Variants in ATXN10 observed in about 807,000 individuals in gnomAD.
ATXN10 encodes ataxin-10.
A neutral mutation model predicts 52.9 loss-of-function variants in ATXN10; 28 were observed. The observed-to-expected ratio is 0.53, with a 90% CI of 0.39 to 0.73. The LOEUF is 0.73. Ranked by LOEUF, ATXN10 falls within the 30% of genes least tolerant of loss-of-function variation. The pLI is 0.00. For missense variants in ATXN10, 565 were observed against 577.0 expected, an observed-to-expected ratio of 0.98 and a Z score of 0.21; for synonymous variants, 226 against 221.5, an observed-to-expected ratio of 1.02 and a Z score of -0.18.
intron 8 of ATXN10, 52 bp downstream of exon 8, chr22:45,738,891 C>G: frequency 7.0e-7 from 1 of 1,420,376 alleles, no homozygotes; most frequent in East Asian, 2.3e-5. Context: ...TTTGGCTTGT[C>G]ATACTGTAAT....
In ATXN10 at chr22:45,823,038, T is replaced by G; in HGVS notation, c.1237+16016T>G. The G allele has an allele frequency of 2.9e-6, 1 of 344,354 alleles. No individual in the cohort carries two copies. The highest frequency in any genetic ancestry group is 6.0e-6 in the Non-Finnish European group (1 of 165,558). The allele number at this position is 344,354 out of a possible 1,614,324, so 21.3% of individuals were successfully genotyped here. A position where few individuals can be genotyped will look rare whatever the true frequency, so the allele number is the denominator to read the frequency against. On this transcript the variant is annotated intron_variant, in intron 10 of 11. Transcript: ENST00000252934. The surrounding 1 kb of genome is among the most constrained non-coding windows in gnomAD (Gnocchi z 4.9). ...ATCTTTGTTCTTACTTTCCTCATGG[T>G]GTCTTATTATTTCATTGAGGTATAA... is the stretch of plus-strand genomic sequence containing the variant.
rs117460812 is a variant in ATXN10 at position 45,821,642 on chromosome 22, A to G, written c.1237+14620A>G. Among the ~76,000 whole-genome samples, 490 of 152,214 alleles carry G rather than the reference A, an allele frequency of 3.2e-3. 2 individuals are homozygous for G. Among genetic ancestry groups the G allele is most frequent in the Non-Finnish European group, 5.8e-3 (392 of 68,016 alleles). On this transcript the variant is annotated intron_variant, in intron 10 of 11. Coordinates refer to ENST00000252934, the MANE Select transcript of ATXN10 (RefSeq NM_013236.4). ...TTAGTACCTCATGGTGTCTTATTTC[A>G]TTGAGGTATAACTTACATATAGTAA...
At chr22:45,714,667 C>A (rs926040041) in intron 5 of ATXN10, among the ~76,000 whole-genome samples, 3 of 152,190 alleles carry the variant, frequency 2.0e-5, no homozygotes, top group African/African-American at 7.2e-5. Flanking sequence ...CAGGTGTGAG[C>A]CACTGTGTCC....
chr22:45,815,694 T>G (rs2146894027), intron 10 of ATXN10, among the ~76,000 whole-genome samples: 2 of 151,618 alleles, frequency 1.3e-5, no homozygotes, highest in Admixed American at 1.3e-4. Context: ...AAACTAAAGC[T>G]CTTGAGAGTT....
chr22:45,772,447 C>T lies in ATXN10; in HGVS notation c.1173+31909C>T, dbSNP rs970746802. Reference sequence around the variant, plus strand: ...TCGTCGATATTTGTGCCTGTCTCTTCACCATTACAACATTGTCTTTATTAC... The same window carrying T: ...TCGTCGATATTTGTGCCTGTCTCTTTACCATTACAACATTGTCTTTATTAC... On this transcript the variant is annotated intron_variant, in intron 9 of 11. Transcript: ENST00000252934. The surrounding 1 kb of genome is among the most constrained non-coding windows in gnomAD (Gnocchi z 4.1). Among the ~76,000 whole-genome samples, 10 of 152,234 alleles carry T rather than the reference C, an allele frequency of 6.6e-5. No individual in the cohort carries two copies. Among genetic ancestry groups the T allele is most frequent in the Admixed American group, 3.3e-4 (5 of 15,286 alleles).
At chr22:45,707,188 T>C (rs1601598898) in intron 5 of ATXN10, among the ~76,000 whole-genome samples, 1 of 152,192 alleles carries the variant, frequency 6.6e-6, no homozygotes, top group Admixed American at 6.5e-5. Context: ...CACATAGTAG[T>C]CAGTGTGTGA....
At position 45,816,775 on chromosome 22, in the gene ATXN10, T is replaced by G. The variant is rs1189953843; in HGVS notation, c.1237+9753T>G. Among the ~76,000 whole-genome samples the G allele has an allele frequency of 3.3e-5, 5 of 152,186 alleles. No homozygotes were observed. Among genetic ancestry groups the G allele is most frequent in the Non-Finnish European group, 7.4e-5 (5 of 68,018 alleles). On this transcript the variant is annotated intron_variant, in intron 10 of 11. Coordinates refer to ENST00000252934, the MANE Select transcript of ATXN10 (RefSeq NM_013236.4). The surrounding 1 kb of genome is among the most constrained non-coding windows in gnomAD (Gnocchi z 5.8). ...CTTGCAGAACCTCGTGGAGTCTTTATTAGTCACATGTGCATTTTGGAGCTT... is the reference window on the plus strand; with the variant it reads ...CTTGCAGAACCTCGTGGAGTCTTTAGTAGTCACATGTGCATTTTGGAGCTT...
chr22:45,700,346 T>C lies in ATXN10; in HGVS notation c.456T>C (p.Ile152=). The part of the protein sequence containing the change: ...IASRNEDSQS[I]VWVHAFPELF... ...CACGGAATGAAGATTCCCAGTCTAT[T>C]GTTTGGGTGCATGCTTTCCCAGAAC... Residue 152 remains isoleucine (I), a synonymous_variant, in exon 4 of 12, where the codon ATT becomes ATC. Coordinates refer to ENST00000252934, the MANE Select transcript of ATXN10 (RefSeq NM_013236.4). 6.2e-7 allele frequency: 1 copy of C among 1,614,176 alleles called. No individual in the cohort carries two copies.
chr22:45,819,188 T>C lies in ATXN10; in HGVS notation c.1237+12166T>C, dbSNP rs931379134. ...TTTCTCTGTAGTATGAAGAATAGAA[T>C]AGAAAATAGAATAGAATAGAATAGA... On this transcript the variant is annotated intron_variant, in intron 10 of 11. Transcript: ENST00000252934. This position sits in a 1 kb window ranked among gnomAD's most constrained non-coding sequence, Gnocchi z 4.5. Among the ~76,000 whole-genome samples the C allele has an allele frequency of 6.9e-5, 10 of 145,630 alleles. No homozygotes were observed. The highest frequency in any genetic ancestry group is 1.5e-4 in the Non-Finnish European group (10 of 66,472).
At chr22:45,768,798 G>C (rs1358716331) in intron 9 of ATXN10, among the ~76,000 whole-genome samples, 3 of 152,322 alleles carry the variant, frequency 2.0e-5, no homozygotes, top group South Asian at 4.1e-4. Context: ...GAACAAACCA[G>C]TTGTAAAGGA....
At chr22:45,817,120 G>A (rs1190414021) in intron 10 of ATXN10, among the ~76,000 whole-genome samples, 8 of 152,186 alleles carry the variant, frequency 5.3e-5, no homozygotes, top group African/African-American at 9.7e-5. Flanking sequence ...GTTTGATGCA[G>A]TGAATGACTA....
chr22:45,790,702 A>G lies in ATXN10; in HGVS notation c.1174-16257A>G, dbSNP rs1219978607. 2.0e-5 allele frequency among the ~76,000 whole-genome samples: 3 copies of G among 152,230 alleles called. No homozygotes were observed. Among genetic ancestry groups the G allele is most frequent in the African/African-American group, 7.2e-5 (3 of 41,454 alleles). ...TCTCTCATGGGTTTTGTAGGACCCA[A>G]TCACAGTTTCTGTTCAAATAGCCAC... is the stretch of plus-strand genomic sequence containing the variant. On this transcript the variant is annotated intron_variant, in intron 9 of 11. Coordinates refer to ENST00000252934, the MANE Select transcript of ATXN10 (RefSeq NM_013236.4). The surrounding 1 kb of genome is among the most constrained non-coding windows in gnomAD (Gnocchi z 4.7).
intron 6 of ATXN10, among the ~76,000 whole-genome samples, chr22:45,725,917 A>AT (rs958807418): frequency 1.3e-5 from 2 of 151,390 alleles, no homozygotes; most frequent in African/African-American, 2.4e-5. Context: ...GGATGATCAT[A>AT]TTTTTTTTGT....
rs898767284 is a variant in ATXN10, at chr22:45,818,444, G to A, written c.1237+11422G>A. Among the ~76,000 whole-genome samples the A allele has an allele frequency of 6.6e-5, 10 of 152,066 alleles. No homozygotes were observed. Among genetic ancestry groups the A allele is most frequent in the African/African-American group, 2.4e-4 (10 of 41,396 alleles). ...AAGCGCATCTGGTTCTGCTTGTCTG[G>A]TTTACCTGTGTTAAAAGCAAGACTC... On this transcript the variant is annotated intron_variant, in intron 10 of 11. Transcript: ENST00000252934. This position sits in a 1 kb window ranked among gnomAD's most constrained non-coding sequence, Gnocchi z 4.6.
rs947650393 is a variant in ATXN10, at chr22:45,769,383, G to C, written c.1173+28845G>C. On this transcript the variant is annotated intron_variant, in intron 9 of 11. Coordinates refer to ENST00000252934, the MANE Select transcript of ATXN10 (RefSeq NM_013236.4). The surrounding 1 kb of genome is among the most constrained non-coding windows in gnomAD (Gnocchi z 4.2). ...TTGGTACAGGGCACTGTGCTAGGTA[G>C]ATGGGAGAATCAAGCATGAAATGGG... 6.6e-6 allele frequency among the ~76,000 whole-genome samples: 1 copy of C among 152,092 alleles called. No individual in the cohort carries two copies. Among genetic ancestry groups the C allele is most frequent in the Non-Finnish European group, 1.5e-5 (1 of 68,026 alleles).
At chr22:45,730,643 G>A (rs750163822) in intron 7 of ATXN10, among the ~76,000 whole-genome samples, 1 of 152,146 alleles carries the variant, frequency 6.6e-6, no homozygotes, top group Non-Finnish European at 1.5e-5. Flanking sequence ...CGGCATATTG[G>A]CCAGGCTGGT....
intron 10 of ATXN10, among the ~76,000 whole-genome samples, chr22:45,814,222 T>C (rs1928383227): frequency 6.6e-6 from 1 of 152,254 alleles, no homozygotes; most frequent in Non-Finnish European, 1.5e-5. Context: ...TTTGAAACGA[T>C]GTTTGCGTTA....
intron 10 of ATXN10, among the ~76,000 whole-genome samples, chr22:45,808,035 A>G (rs568790846): frequency 8.5e-5 from 13 of 152,226 alleles, no homozygotes; most frequent in Admixed American, 7.8e-4. Flanking sequence ...CTGATTAGCA[A>G]TAGAAAACAA....
chr22:45,818,596 G>A lies in ATXN10; in HGVS notation c.1237+11574G>A, dbSNP rs1024847286. ...TGACCACCCTCGCTTTCAGCGGACC[G>A]GGGCAGGGATCAGGGATCAACAGCC... is the stretch of plus-strand genomic sequence containing the variant. On this transcript the variant is annotated intron_variant, in intron 10 of 11. Transcript: ENST00000252934. The surrounding 1 kb of genome is among the most constrained non-coding windows in gnomAD (Gnocchi z 4.6). Among the ~76,000 whole-genome samples the A allele has an allele frequency of 3.3e-5, 5 of 152,052 alleles. No individual in the cohort carries two copies. The highest frequency in any genetic ancestry group is 9.7e-5 in the African/African-American group (4 of 41,364).
Sources: gnomAD v4.1 joint callset for allele counts (sites outside exome capture counted in the v4.1 genomes callset) on GRCh38, gnomAD v4.1.1 for gene constraint, Gnocchi (gnomAD v3.1) non-coding constraint, MANE v1.5 for transcripts, NCBI Gene and HGNC (gene_info 2026-07-23, HGNC 2026-07-21) for gene names.